Variants in HTT-AS observed in about 807,000 individuals in gnomAD.
HTT-AS encodes HTT antisense RNA (head to head).
At chr4:3,066,332 G>A (rs928519270) in intron 1 of HTT-AS, among the ~76,000 whole-genome samples, 1 of 152,102 alleles carries the variant, frequency 6.6e-6, no homozygotes, top group Non-Finnish European at 1.5e-5. Context: ...ACTACACCCA[G>A]CTGATTTTTG....
chr4:3,053,757 C>CTTTTT (rs1163919785), intron 2 of HTT-AS, among the ~76,000 whole-genome samples: 1 of 129,094 alleles, frequency 7.7e-6, no homozygotes, highest in African/African-American at 2.8e-5. Flanking sequence ...TTGCTAACTT[C>CTTTTT]TTTTTTTTTT....
chr4:3,059,625 C>T (rs780644764), intron 2 of HTT-AS, among the ~76,000 whole-genome samples: 5 of 151,810 alleles, frequency 3.3e-5, no homozygotes, highest in Admixed American at 6.6e-5. Context: ...AGTCTCGCTC[C>T]GTCACCCAGG....
intron 1 of HTT-AS, among the ~76,000 whole-genome samples, chr4:3,066,129 C>T (rs764514799): frequency 2.0e-5 from 3 of 152,190 alleles, no homozygotes; most frequent in East Asian, 1.9e-4. Context: ...TTCTGCTTTG[C>T]GGGTATTTGC....
At chr4:3,074,565 C>A, upstream of HTT-AS, 1 of 360,164 alleles carries the variant, frequency 2.8e-6, no homozygotes, top group Non-Finnish European at 4.8e-6. Context: ...CCTGGCCAGC[C>A]ATTGGCAGAG....
At chr4:3,062,133 C>T (rs1364774686) in intron 2 of HTT-AS, among the ~76,000 whole-genome samples, 3 of 151,782 alleles carry the variant, frequency 2.0e-5, no homozygotes, top group African/African-American at 7.3e-5. Context: ...AGGTATGTTC[C>T]TTTCACATAC....
intron 2 of HTT-AS, among the ~76,000 whole-genome samples, chr4:3,052,247 A>G (rs1711717296): frequency 6.6e-6 from 1 of 152,202 alleles, no homozygotes; most frequent in Non-Finnish European, 1.5e-5. Context: ...CCTTTCTCAG[A>G]GCACCTGGGA....
At chr4:3,073,789 G>A (rs1455522807) in intron 1 of HTT-AS, among the ~76,000 whole-genome samples, 1 of 152,002 alleles carries the variant, frequency 6.6e-6, no homozygotes, top group Non-Finnish European at 1.5e-5. Context: ...TGCGCTCTGC[G>A]CAGGAGCTCG....
downstream of HTT-AS, among the ~76,000 whole-genome samples, chr4:3,046,735 A>G (rs186795058): frequency 6.6e-5 from 10 of 152,360 alleles, no homozygotes; most frequent in African/African-American, 2.4e-4. Context: ...CGTCCTGTTT[A>G]TAGGGGAATC....
chr4:3,059,924 GT>G (rs10680478), intron 2 of HTT-AS, among the ~76,000 whole-genome samples: 15 of 139,296 alleles, frequency 1.1e-4, no homozygotes, highest in East Asian at 6.5e-4. Context: ...TGTGTTTTTT[GT>G]TTTTTTTTTT....
At chr4:3,073,856 G>T (rs533218574) in intron 1 of HTT-AS, among the ~76,000 whole-genome samples, 1 of 152,182 alleles carries the variant, frequency 6.6e-6, no homozygotes, top group African/African-American at 2.4e-5. Flanking sequence ...GGCTGTCCGG[G>T]TGAGTATGGC....
chr4:3,073,705 C>A (rs938381017), intron 1 of HTT-AS, among the ~76,000 whole-genome samples: 8 of 152,364 alleles, frequency 5.3e-5, no homozygotes, highest in Admixed American at 5.2e-4. Flanking sequence ...CCTGCAGGGG[C>A]CTCTCCAGCT....
rs58036497 is a variant in HTT-AS at position 3,057,185 on chromosome 4, C to T, written n.1380+5249G>A. On this transcript the variant is annotated intron_variant and non_coding_transcript_variant, in intron 2 of 2. Transcript: ENST00000664062. ...AGTAGCTGGGACTACAGGCGCCTGC[C>T]ACCAAGCCCAGCTAATTTTTTGTAT... Among the ~76,000 whole-genome samples the T allele has an allele frequency of 4.8e-3, 732 of 152,250 alleles. 10 individuals carry two copies. The highest frequency in any genetic ancestry group is 0.017 in the African/African-American group (695 of 41,542).
At chr4:3,074,051 C>T (rs1409967968) in intron 1 of HTT-AS, among the ~76,000 whole-genome samples, 1 of 145,512 alleles carries the variant, frequency 6.9e-6, no homozygotes, top group East Asian at 2.0e-4. Context: ...TGGGCGAGCC[C>T]CTCCATGGCC....
At chr4:3,049,307 C>T (rs1711658295) in exon 3 of HTT-AS, among the ~76,000 whole-genome samples, 1 of 152,098 alleles carries the variant, frequency 6.6e-6, no homozygotes, top group African/African-American at 2.4e-5. Context: ...ACCTGTAATA[C>T]CAGCTACTCG....
chr4:3,059,917 G>GT (rs34372712), intron 2 of HTT-AS, among the ~76,000 whole-genome samples: 7,051 of 136,104 alleles, frequency 0.052, 458 homozygotes, highest in Middle Eastern at 0.084. Context: ...TTGTCCCTGT[G>GT]TTTTTTGTTT....
At chr4:3,056,586 T>C (rs1232700692) in intron 2 of HTT-AS, among the ~76,000 whole-genome samples, 1 of 152,218 alleles carries the variant, frequency 6.6e-6, no homozygotes, top group Non-Finnish European at 1.5e-5. Flanking sequence ...AGTTTGCTTT[T>C]ACACCTATAT....
At chr4:3,063,018 G>A (rs565035014) in exon 2 of HTT-AS, among the ~76,000 whole-genome samples, 391 of 152,228 alleles carry the variant, frequency 2.6e-3, no homozygotes, top group Non-Finnish European at 2.7e-3. Context: ...GCCAGGGGAG[G>A]GGTCCTCCCT....
At chr4:3,069,591 G>A (rs1712124518) in intron 1 of HTT-AS, among the ~76,000 whole-genome samples, 1 of 151,964 alleles carries the variant, frequency 6.6e-6, no homozygotes, top group African/African-American at 2.4e-5. Context: ...TATTAATGAA[G>A]GAAATGCTCT....
At chr4:3,070,110 T>C (rs1712137703) in intron 1 of HTT-AS, 1 of 152,416 alleles carries the variant, frequency 6.6e-6, no homozygotes, top group African/African-American at 2.4e-5. Flanking sequence ...GTGTCATGCT[T>C]AGCTCCCCGC....
Sources: allele counts gnomAD v4.1 joint callset (sites outside exome capture counted in the v4.1 genomes callset), GRCh38; gene constraint gnomAD v4.1.1; transcripts MANE v1.5; gene names NCBI Gene and HGNC (gene_info 2026-07-23, HGNC 2026-07-21).